CCDC85A: variants seen among roughly 807,000 people sequenced by gnomAD.
CCDC85A encodes coiled-coil domain containing 85A, also known as coiled-coil domain-containing protein 85A.
CCDC85A carries 38 observed loss-of-function variants against 50.2 expected under a neutral mutation model. The ratio of observed to expected loss-of-function variants is 0.76; its 90% confidence interval spans 0.58 to 0.99. CCDC85A has a LOEUF of 0.99. CCDC85A is among the 50% of genes least tolerant of loss of function. CCDC85A has a pLI of 0.00. For missense variants in CCDC85A, 820 were observed against 742.0 expected (o/e 1.11, Z -1.22); for synonymous variants, 366 against 301.4 (o/e 1.21, Z -2.22).
chr2:56,372,556 C>T (rs1676129886), intron 4 of CCDC85A, 78 bp downstream of exon 4: 4 of 1,368,268 alleles, frequency 2.9e-6, no homozygotes, highest in Non-Finnish European at 3.8e-6. Context: ...AAAAGTTATA[C>T]TGGGGGGTAG....
chr2:56,332,359 G>A (rs1682396042), intron 2 of CCDC85A, among the ~76,000 whole-genome samples: 1 of 152,112 alleles, frequency 6.6e-6, no homozygotes, highest in African/African-American at 2.4e-5. Flanking sequence ...CAGTTTTGAA[G>A]GTTGGAAAGT....
rs7561733 is a variant in CCDC85A at position 56,351,644 on chromosome 2, T to C, written c.1317+8689T>C. On this transcript the variant is annotated intron_variant, in intron 3 of 5. Transcript: ENST00000407595. ...TTCATGTGTTTTTTGGCTGCATAAA[T>C]GTCTTCTTTTGAGAAGTGTCTGTTC... is the stretch of plus-strand genomic sequence containing the variant. Among the ~76,000 whole-genome samples, 492 of 145,666 alleles carry C rather than the reference T, an allele frequency of 3.4e-3. 2 individuals are homozygous for C. Among genetic ancestry groups the C allele is most frequent in the African/African-American group, 0.012 (463 of 38,166 alleles).
chr2:56,368,244 C>T (rs993211497), intron 3 of CCDC85A, among the ~76,000 whole-genome samples: 1 of 152,106 alleles, frequency 6.6e-6, no homozygotes, highest in East Asian at 1.9e-4. Context: ...ATGCACTTTT[C>T]TTTGGATATA....
intron 3 of CCDC85A, among the ~76,000 whole-genome samples, chr2:56,354,351 C>G (rs1375192459): frequency 6.6e-6 from 1 of 152,098 alleles, no homozygotes; most frequent in East Asian, 1.9e-4. Flanking sequence ...AGTGAAGCTA[C>G]ATAGAGGAGA....
chr2:56,275,221 T>C (rs1670874715), intron 2 of CCDC85A, among the ~76,000 whole-genome samples: 1 of 152,046 alleles, frequency 6.6e-6, no homozygotes, highest in Non-Finnish European at 1.5e-5. Flanking sequence ...ATATTAGGCC[T>C]GCTGGCCTTG....
intron 2 of CCDC85A, among the ~76,000 whole-genome samples, chr2:56,196,401 T>A (rs1489639369): frequency 6.6e-6 from 1 of 152,358 alleles, no homozygotes; most frequent in Non-Finnish European, 1.5e-5. Flanking sequence ...TATTTCATAT[T>A]TGTAAATTAA....
intron 2 of CCDC85A, among the ~76,000 whole-genome samples, chr2:56,294,353 G>T (rs983458663): frequency 6.6e-6 from 1 of 152,166 alleles, no homozygotes; most frequent in African/African-American, 2.4e-5. Flanking sequence ...ATACCTAGGT[G>T]GTGGGTTGAT....
chr2:56,374,406 C>T (rs764213365), intron 4 of CCDC85A, among the ~76,000 whole-genome samples: 9 of 152,130 alleles, frequency 5.9e-5, no homozygotes, highest in South Asian at 2.1e-4. Flanking sequence ...GCAATAATAA[C>T]ATTAAGTTAA....
chr2:56,239,490 C>G (rs1418574689), intron 2 of CCDC85A, among the ~76,000 whole-genome samples: 1 of 152,068 alleles, frequency 6.6e-6, no homozygotes, highest in Non-Finnish European at 1.5e-5. Context: ...TAGCCAAGTG[C>G]ATTTCAGTTT....
At position 56,336,212 on chromosome 2, in the gene CCDC85A, T is replaced by C. The variant is rs547696676; in HGVS notation, c.1241-6667T>C. On this transcript the variant is annotated intron_variant, in intron 2 of 5. Coordinates refer to ENST00000407595, the MANE Select transcript of CCDC85A (RefSeq NM_001080433.2). ...CTTGTCCCCCCAGGCTGGAGTGCAA[T>C]GACACTGTCTCAGCTCACTGCAACC... 3.9e-5 allele frequency among the ~76,000 whole-genome samples: 6 copies of C among 152,224 alleles called. No individual in the cohort carries two copies. The South Asian group carries it at 6.2e-4, about 16-fold the overall frequency.
intron 2 of CCDC85A, among the ~76,000 whole-genome samples, chr2:56,333,524 G>T (rs1673918686): frequency 6.6e-6 from 1 of 152,150 alleles, no homozygotes; most frequent in African/African-American, 2.4e-5. Flanking sequence ...AAATGGTGAG[G>T]CTACTGCAGG....
chr2:56,268,350 C>G (rs111435184), intron 2 of CCDC85A, among the ~76,000 whole-genome samples: 3,761 of 152,092 alleles, frequency 0.025, 140 homozygotes, highest in African/African-American at 0.083. Flanking sequence ...GTAATCCCAG[C>G]ACTTTGGGAG....
At chr2:56,233,156 C>T (rs1285888345) in intron 2 of CCDC85A, among the ~76,000 whole-genome samples, 1 of 152,186 alleles carries the variant, frequency 6.6e-6, no homozygotes, top group Non-Finnish European at 1.5e-5. Context: ...TCAGAAAGCA[C>T]CAGCCTCTCC....
At chr2:56,272,494 T>C (rs1304552515) in intron 2 of CCDC85A, among the ~76,000 whole-genome samples, 1 of 152,204 alleles carries the variant, frequency 6.6e-6, no homozygotes, top group African/African-American at 2.4e-5. Context: ...AACATGGTCA[T>C]GTGATATTCT....
chr2:56,303,955 G>A (rs1672319854), intron 2 of CCDC85A, among the ~76,000 whole-genome samples: 1 of 152,192 alleles, frequency 6.6e-6, no homozygotes, highest in Admixed American at 6.6e-5. Flanking sequence ...GTCATCTCAG[G>A]TAAAGCCAGA....
rs1414942213 is a variant in CCDC85A at position 56,184,463 on chromosome 2, A to G, written c.-162A>G. The G allele has an allele frequency of 5.2e-6, 4 of 762,870 alleles. No homozygotes were observed. In the African/African-American group the frequency reaches 7.4e-5, roughly 14 times the overall value. 47.3% of individuals were successfully genotyped at this position (762,870 alleles called of 1,614,324 possible). On this transcript the variant is annotated 5_prime_UTR_variant, in exon 1 of 6. Transcript: ENST00000407595. ...GCGGGGATGGCGAGGTAGGATGGCC[A>G]CCCAGCGCGACCCCCGCCGCCCCAA... is the stretch of plus-strand genomic sequence containing the variant.
chr2:56,345,453 G>T (rs1674589103), intron 3 of CCDC85A, among the ~76,000 whole-genome samples: 1 of 152,176 alleles, frequency 6.6e-6, no homozygotes, highest in South Asian at 2.1e-4. Flanking sequence ...AGAACCCATT[G>T]TTTGAAATAT....
intron 2 of CCDC85A, among the ~76,000 whole-genome samples, chr2:56,207,805 C>T (rs755953928): frequency 6.6e-6 from 1 of 152,126 alleles, no homozygotes; most frequent in Non-Finnish European, 1.5e-5. Flanking sequence ...CTACTTATAG[C>T]TGCTGAGGTG....
chr2:56,353,597 T>C (rs1227348008), intron 3 of CCDC85A, among the ~76,000 whole-genome samples: 1 of 152,138 alleles, frequency 6.6e-6, no homozygotes, highest in East Asian at 1.9e-4. Flanking sequence ...GCAGTGAAGA[T>C]TGAATTGGTT....
Sources: gnomAD v4.1 joint callset for allele counts (sites outside exome capture counted in the v4.1 genomes callset) on GRCh38, gnomAD v4.1.1 for gene constraint, MANE v1.5 for transcripts, NCBI Gene and HGNC (gene_info 2026-07-23, HGNC 2026-07-21) for gene names.